The following GOLIM4 variants were observed in gnomAD, a reference collection of about 807,000 sequenced individuals.
GOLIM4 encodes the protein 130 kDa golgi-localized phosphoprotein.
A neutral mutation model predicts 107.4 loss-of-function variants in GOLIM4; 71 were observed. The observed-to-expected ratio is 0.66, with a 90% CI of 0.55 to 0.81. GOLIM4 has a LOEUF of 0.81. Ranked by LOEUF, GOLIM4 falls within the 30% of genes least tolerant of loss-of-function variation. The probability of loss-of-function intolerance (pLI) is 0.00; values close to 1 mark genes in which losing one functional copy is unlikely to be tolerated. For synonymous variants in GOLIM4, 327 were observed against 294.8 expected (o/e 1.11, Z -1.12); for missense variants, 830 against 826.1 (o/e 1.00, Z -0.06).
intron 1 of GOLIM4, among the ~76,000 whole-genome samples, chr3:168,064,920 A>ATATAGG (rs1720465990): frequency 2.6e-5 from 4 of 152,038 alleles, no homozygotes; most frequent in Non-Finnish European, 1.5e-5. Context: ...AAGCTACCGA[A>ATATAGG]TATAACTTAA....
At chr3:168,084,785 T>C (rs1721541442) in intron 1 of GOLIM4, among the ~76,000 whole-genome samples, 1 of 152,134 alleles carries the variant, frequency 6.6e-6, no homozygotes, top group South Asian at 2.1e-4. Flanking sequence ...AGAATGTGCC[T>C]CGAACACACT....
rs977789927 is a variant in GOLIM4 at position 168,027,848 on chromosome 3, A to G, written c.1514-11T>C. ...TGTCTCTTTCATAGGCTAGCAAATC[A>G]AAGGAACTAAAATCAGCCCAAAATG... On this transcript the variant is annotated splice_polypyrimidine_tract_variant and intron_variant, in intron 11 of 15. Transcript: ENST00000470487. 2 of 1,535,470 alleles carry G rather than the reference A, an allele frequency of 1.3e-6. No individual in the cohort carries two copies. Among genetic ancestry groups the G allele is most frequent in the Admixed American group, 3.4e-5 (2 of 59,154 alleles).
chr3:168,027,711 G>A lies in GOLIM4; in HGVS notation c.1623+17C>T, dbSNP rs1244682961. 6.9e-7 allele frequency: 1 copy of A among 1,451,558 alleles called. No individual in the cohort carries two copies. The highest frequency in any genetic ancestry group is 1.7e-5 in the Admixed American group (1 of 59,606). 89.9% of individuals were successfully genotyped at this position (1,451,558 alleles called of 1,614,324 possible). ...TATGAGTTTACATGTGTCAGGGGCA[G>A]AAGAGAGGATACTTACATCTGCCTC... On this transcript the variant is annotated intron_variant, in intron 12 of 15. Coordinates refer to ENST00000470487, the MANE Select transcript of GOLIM4 (RefSeq NM_014498.5).
At chr3:168,090,198 A>G (rs971532609) in intron 1 of GOLIM4, among the ~76,000 whole-genome samples, 27 of 152,192 alleles carry the variant, frequency 1.8e-4, no homozygotes, top group Non-Finnish European at 4.4e-5. Flanking sequence ...AAACACTTAA[A>G]TAACAAATGT....
intron 6 of GOLIM4, 88 bp from the exon 7 acceptor site, chr3:168,040,957 T>A: frequency 1.2e-6 from 1 of 802,286 alleles, no homozygotes; most frequent in East Asian, 2.5e-5. Context: ...ACCCAAATGT[T>A]ACTTGCTTGT....
chr3:168,079,115 C>G (rs2108286641), intron 1 of GOLIM4, among the ~76,000 whole-genome samples: 1 of 152,176 alleles, frequency 6.6e-6, no homozygotes, highest in Admixed American at 6.5e-5. Flanking sequence ...TATCAAAAAG[C>G]TGCTAGTCCC....
intron 14 of GOLIM4, among the ~76,000 whole-genome samples, chr3:168,017,811 C>A (rs1040965311): frequency 2.0e-5 from 3 of 152,040 alleles, no homozygotes; most frequent in African/African-American, 7.3e-5. Context: ...GTCTATTGAA[C>A]TGCCTCAAAA....
At chr3:168,044,737 A>G in intron 4 of GOLIM4, 91 bp downstream of exon 4, 2 of 734,670 alleles carry the variant, frequency 2.7e-6, no homozygotes, top group Non-Finnish European at 4.5e-6. Context: ...ACTTCTGTAA[A>G]CTTTCTTTAA....
chr3:168,036,135 C>T (rs1366476329), intron 8 of GOLIM4, among the ~76,000 whole-genome samples: 1 of 152,172 alleles, frequency 6.6e-6, no homozygotes, highest in Non-Finnish European at 1.5e-5. Flanking sequence ...ATTTAACGTT[C>T]TCACCCTAAC....
chr3:168,063,067 T>C (rs1720354449), intron 1 of GOLIM4, among the ~76,000 whole-genome samples: 1 of 152,162 alleles, frequency 6.6e-6, no homozygotes, highest in South Asian at 2.1e-4. Context: ...ACCACCTGCA[T>C]GTCTAAGGCC....
chr3:168,022,664 A>G (rs1717772273), intron 14 of GOLIM4, among the ~76,000 whole-genome samples: 1 of 152,152 alleles, frequency 6.6e-6, no homozygotes, highest in African/African-American at 2.4e-5. Context: ...AACAAGGGAC[A>G]CTCGGGGGCA....
intron 1 of GOLIM4, among the ~76,000 whole-genome samples, chr3:168,069,244 T>C (rs1720717818): frequency 6.6e-6 from 1 of 152,204 alleles, no homozygotes; most frequent in African/African-American, 2.4e-5. Context: ...TGGAGTTTTA[T>C]TTCACACTCA....
intron 14 of GOLIM4, among the ~76,000 whole-genome samples, chr3:168,021,467 A>G (rs1013553675): frequency 6.6e-6 from 1 of 152,126 alleles, no homozygotes; most frequent in African/African-American, 2.4e-5. Flanking sequence ...GGAGTTCAAG[A>G]CTAGCCTGGC....
intron 1 of GOLIM4, among the ~76,000 whole-genome samples, chr3:168,048,923 G>A (rs952516976): frequency 2.0e-5 from 3 of 152,154 alleles, no homozygotes; most frequent in South Asian, 2.1e-4. Flanking sequence ...CTCCTCCCAC[G>A]TCAAGGAAAA....
At chr3:168,033,155 A>T (rs763756697) in intron 8 of GOLIM4, among the ~76,000 whole-genome samples, 5 of 152,220 alleles carry the variant, frequency 3.3e-5, no homozygotes, top group Non-Finnish European at 5.9e-5. Context: ...TTCCCTTAGA[A>T]TAAAAAGGAA....
chr3:168,010,922 T>C (rs900658122), intron 14 of GOLIM4, 99 bp from the exon 15 acceptor site: 1 of 855,246 alleles, frequency 1.2e-6, no homozygotes. Flanking sequence ...TGCAATAATA[T>C]ATTTTGATTT....
chr3:168,021,336 G>A (rs1487902693), intron 14 of GOLIM4, among the ~76,000 whole-genome samples: 1 of 152,126 alleles, frequency 6.6e-6, no homozygotes, highest in African/African-American at 2.4e-5. Flanking sequence ...CTATAGTGAC[G>A]AACACCCTGC....
At chr3:168,010,680 C>T in intron 15 of GOLIM4, 63 bp downstream of exon 15, 1 of 1,169,768 alleles carries the variant, frequency 8.5e-7, no homozygotes, top group South Asian at 1.2e-5. Context: ...ATATATCTCT[C>T]CTATACACAT....
chr3:168,065,436 T>C (rs1406155661), intron 1 of GOLIM4, among the ~76,000 whole-genome samples: 2 of 152,222 alleles, frequency 1.3e-5, no homozygotes, highest in Non-Finnish European at 2.9e-5. Flanking sequence ...AAAAATATTA[T>C]ACATAAACTA....
Sources: allele counts gnomAD v4.1 joint callset (sites outside exome capture counted in the v4.1 genomes callset), GRCh38; gene constraint gnomAD v4.1.1; transcripts MANE v1.5; gene names NCBI Gene and HGNC (gene_info 2026-07-23, HGNC 2026-07-21).